DPYSL2: variants seen among roughly 807,000 people sequenced by gnomAD.
DPYSL2 encodes the protein dihydropyrimidinase-related protein 2.
In DPYSL2, 13 loss-of-function variants were observed where a neutral mutation model predicts 69.9. That is an observed-to-expected ratio of 0.19 (90% CI 0.12 to 0.30). The LOEUF (loss-of-function observed/expected upper bound fraction) is 0.30, where lower values mean the gene tolerates loss of function less well. DPYSL2 is among the 10% of genes least tolerant of loss of function. The probability of loss-of-function intolerance (pLI) is 1.00; values close to 1 mark genes in which losing one functional copy is unlikely to be tolerated. For synonymous variants in DPYSL2, 326 were observed against 359.1 expected, an observed-to-expected ratio of 0.91 and a Z score of 1.04; for missense variants, 587 against 918.9, an observed-to-expected ratio of 0.64 and a Z score of 4.67.
intron 1 of DPYSL2, among the ~76,000 whole-genome samples, chr8:26,532,455 A>C (rs1475021670): frequency 6.6e-6 from 1 of 152,214 alleles, no homozygotes; most frequent in African/African-American, 2.4e-5. Context: ...CAAGATGTGC[A>C]CCCATTATCA....
chr8:26,515,623 A>C (rs1188627133), intron 1 of DPYSL2, among the ~76,000 whole-genome samples: 1 of 152,236 alleles, frequency 6.6e-6, no homozygotes, highest in Admixed American at 6.5e-5. Flanking sequence ...CAGCGCAGTA[A>C]TAATCTCACA....
At chr8:26,634,927 T>C in intron 8 of DPYSL2, 27 bp downstream of exon 8, 1 of 1,613,322 alleles carries the variant, frequency 6.2e-7, no homozygotes, top group Non-Finnish European at 8.5e-7. Flanking sequence ...GACTGGCTGA[T>C]GGCAGGTGGG....
chr8:26,577,211 TC>T (rs565433334), intron 1 of DPYSL2: 167 of 426,112 alleles, frequency 3.9e-4, no homozygotes, highest in African/African-American at 2.9e-3. Context: ...CTCTGCAGCC[TC>T]CCCCCGGCCC....
In DPYSL2 at chr8:26,620,453, A is replaced by T. The variant is rs138370987; in HGVS notation, c.629-3690A>T. Among the ~76,000 whole-genome samples the T allele has an allele frequency of 2.0e-5, 3 of 151,520 alleles. No individual in the cohort carries two copies. On this transcript the variant is annotated intron_variant, in intron 3 of 13. Transcript: ENST00000521913. The surrounding 1 kb of genome is among the most constrained non-coding windows in gnomAD (Gnocchi z 4.5). ...GTATTTTTAGTAGAGACGAGGTTTCATCATGTTGCCCAGGCTGGTCTCGAA... is the reference window on the plus strand; with the variant it reads ...GTATTTTTAGTAGAGACGAGGTTTCTTCATGTTGCCCAGGCTGGTCTCGAA...
At chr8:26,561,237 T>C (rs1801064961) in intron 1 of DPYSL2, among the ~76,000 whole-genome samples, 1 of 152,158 alleles carries the variant, frequency 6.6e-6, no homozygotes. Context: ...TGGTGTCCAA[T>C]ACATGCTACT....
Position 26,657,992 on chromosome 8 carries a change from G to A in DPYSL2, c.*2286G>A, listed in dbSNP as rs1267618562. 6.6e-6 allele frequency: 1 copy of A among 152,630 alleles called. No individual in the cohort carries two copies. The highest frequency in any genetic ancestry group is 2.4e-5 in the African/African-American group (1 of 41,442). The allele number at this position is 152,630 out of a possible 1,614,324, so 9.5% of individuals were successfully genotyped here. ...TGGAAATTGTGATTGTGACCCATGAGTGGAGGAACTTTCAGTTCTAAAGCT... is the reference window on the plus strand; with the variant it reads ...TGGAAATTGTGATTGTGACCCATGAATGGAGGAACTTTCAGTTCTAAAGCT... On this transcript the variant is annotated 3_prime_UTR_variant, in exon 14 of 14. Transcript: ENST00000521913.
In DPYSL2 at chr8:26,657,799, T is replaced by C. The variant is rs1468205402; in HGVS notation, c.*2093T>C. ...AAAAACAAGTTAAAACCTGACGATT[T>C]CTGCAGGCTGTGTAAGCATGTTTAC... On this transcript the variant is annotated 3_prime_UTR_variant, in exon 14 of 14. Transcript: ENST00000521913. 1 of 152,660 alleles carries C rather than the reference T, an allele frequency of 6.6e-6. No individual in the cohort carries two copies. The highest frequency in any genetic ancestry group is 1.5e-5 in the Non-Finnish European group (1 of 68,044). The allele number at this position is 152,660 out of a possible 1,614,324, so 9.5% of individuals were successfully genotyped here. A position where few individuals can be genotyped will look rare whatever the true frequency, so the allele number is the denominator to read the frequency against.
intron 1 of DPYSL2, among the ~76,000 whole-genome samples, chr8:26,515,230 T>C (rs1180342832): frequency 6.6e-6 from 1 of 151,792 alleles, no homozygotes; most frequent in Non-Finnish European, 1.5e-5. Flanking sequence ...CCGGACCCCC[T>C]CCGAGCACCG....
At chr8:26,515,735 C>T (rs1808275869) in intron 1 of DPYSL2, among the ~76,000 whole-genome samples, 1 of 152,190 alleles carries the variant, frequency 6.6e-6, no homozygotes, top group South Asian at 2.1e-4. Flanking sequence ...TGTTTTAACA[C>T]GTTTTCCGTT....
In DPYSL2 at chr8:26,656,605, C is replaced by T. The variant is rs538850842; in HGVS notation, c.*899C>T. 6.0e-4 allele frequency: 91 copies of T among 152,722 alleles called. No homozygotes were observed. The highest frequency in any genetic ancestry group is 2.1e-3 in the African/African-American group (89 of 41,544). 9.5% of individuals were successfully genotyped at this position (152,722 alleles called of 1,614,324 possible). On this transcript the variant is annotated 3_prime_UTR_variant, in exon 14 of 14. Coordinates refer to ENST00000521913, the MANE Select transcript of DPYSL2 (RefSeq NM_001197293.3). ...CTTGCCCCATTATCTTTTCACCTCC[C>T]AGGTCTACCATTTCATGGTGGTCGT...
chr8:26,578,010 T>A lies in DPYSL2; in HGVS notation c.355-3959T>A, dbSNP rs3739219. On this transcript the variant is annotated intron_variant, in intron 1 of 13. Coordinates refer to ENST00000521913, the MANE Select transcript of DPYSL2 (RefSeq NM_001197293.3). ...CTCTCTCCTTCTCTCTCTCTCTCTCTCTCTCTCTTTTTTTTCCGCCCTAGC... is the reference window on the plus strand; with the variant it reads ...CTCTCTCCTTCTCTCTCTCTCTCTCACTCTCTCTTTTTTTTCCGCCCTAGC... 6.9e-5 allele frequency: 95 copies of A among 1,383,404 alleles called. No individual in the cohort carries two copies. The East Asian group carries it at 2.7e-3, about 40-fold the overall frequency. The allele number at this position is 1,383,404 out of a possible 1,614,324, so 85.7% of individuals were successfully genotyped here. A position where few individuals can be genotyped will look rare whatever the true frequency, so the allele number is the denominator to read the frequency against.
At chr8:26,630,748 G>A (rs577729941) in intron 7 of DPYSL2, among the ~76,000 whole-genome samples, 1 of 152,328 alleles carries the variant, frequency 6.6e-6, no homozygotes, top group South Asian at 2.1e-4. Context: ...CACTCCAGAA[G>A]CATGAAGTTA....
In DPYSL2 at chr8:26,560,110, C is replaced by G. The variant is rs1801048362; in HGVS notation, c.355-21859C>G. 6.6e-6 allele frequency among the ~76,000 whole-genome samples: 1 copy of G among 152,174 alleles called. No homozygotes were observed. The highest frequency in any genetic ancestry group is 6.5e-5 in the Admixed American group (1 of 15,276). On this transcript the variant is annotated intron_variant, in intron 1 of 13. Coordinates refer to ENST00000521913, the MANE Select transcript of DPYSL2 (RefSeq NM_001197293.3). The surrounding 1 kb of genome is among the most constrained non-coding windows in gnomAD (Gnocchi z 4.4). ...AAAGAAATAATGCAGATATGCTAAG[C>G]AGAGTTGGTTTAGCAGAAGACAGGG...
chr8:26,546,101 T>C (rs1030753834), intron 1 of DPYSL2, among the ~76,000 whole-genome samples: 2 of 152,236 alleles, frequency 1.3e-5, no homozygotes, highest in African/African-American at 4.8e-5. Flanking sequence ...ATCTTGACAA[T>C]ATTGTCTTCC....
Position 26,598,583 on chromosome 8 carries a change from C to T in DPYSL2, c.628+14600C>T, listed in dbSNP as rs1036424514. 1.3e-5 allele frequency among the ~76,000 whole-genome samples: 2 copies of T among 152,168 alleles called. No homozygotes were observed. The highest frequency in any genetic ancestry group is 2.9e-5 in the Non-Finnish European group (2 of 68,032). ...GCCCCCACCTTGGTGAGCACCTTTC[C>T]CCCCAGGCACAGTCCCTGCTTACGG... is the stretch of plus-strand genomic sequence containing the variant. On this transcript the variant is annotated intron_variant, in intron 3 of 13. Transcript: ENST00000521913. The surrounding 1 kb of genome is among the most constrained non-coding windows in gnomAD (Gnocchi z 4.2).
chr8:26,655,039 G>T (rs540807002), intron 13 of DPYSL2, among the ~76,000 whole-genome samples: 1 of 151,474 alleles, frequency 6.6e-6, no homozygotes, highest in Non-Finnish European at 1.5e-5. Flanking sequence ...GTAGAGATAG[G>T]CTCTCACTGT....
chr8:26,643,289 A>T lies in DPYSL2; in HGVS notation c.1127-150A>T. ...GAGGTACTGAATTTCTCCAAGTCTCAGTTTCCTCATCTGCGAGATGAGCCT... is the reference window on the plus strand; with the variant it reads ...GAGGTACTGAATTTCTCCAAGTCTCTGTTTCCTCATCTGCGAGATGAGCCT... On this transcript the variant is annotated intron_variant, in intron 8 of 13. Transcript: ENST00000521913. The surrounding 1 kb of genome is among the most constrained non-coding windows in gnomAD (Gnocchi z 6.5). 1 of 791,686 alleles carries T rather than the reference A, an allele frequency of 1.3e-6. No individual in the cohort carries two copies. The highest frequency in any genetic ancestry group is 1.9e-6 in the Non-Finnish European group (1 of 526,456). 49.0% of individuals were successfully genotyped at this position (791,686 alleles called of 1,614,324 possible).
chr8:26,524,624 C>G (rs978540315), intron 1 of DPYSL2, among the ~76,000 whole-genome samples: 1 of 151,664 alleles, frequency 6.6e-6, no homozygotes, highest in African/African-American at 2.4e-5. Context: ...GTGGCAAAAT[C>G]CCGTCTCTAC....
At chr8:26,525,124 G>A (rs1808455520) in intron 1 of DPYSL2, among the ~76,000 whole-genome samples, 2 of 151,968 alleles carry the variant, frequency 1.3e-5, no homozygotes, top group African/African-American at 2.4e-5. Context: ...TTTTTCTGAC[G>A]TATTTTTTGC....
Sources: allele counts gnomAD v4.1 joint callset (sites outside exome capture counted in the v4.1 genomes callset), GRCh38; gene constraint gnomAD v4.1.1; non-coding constraint Gnocchi (gnomAD v3.1); transcripts MANE v1.5; gene names NCBI Gene and HGNC (gene_info 2026-07-23, HGNC 2026-07-21).